The following RNF11 variants were observed in gnomAD, a reference collection of about 807,000 sequenced individuals.
RNF11 encodes ring finger protein 11.
RNF11 carries 4 observed loss-of-function variants against 15.8 expected under a neutral mutation model. The ratio of observed to expected loss-of-function variants is 0.25; its 90% CI spans 0.12 to 0.58. The LOEUF (loss-of-function observed/expected upper bound fraction) is 0.58, where lower values mean the gene tolerates loss of function less well. RNF11 is among the 20% of genes least tolerant of loss of function. RNF11 has a pLI of 0.91. For synonymous variants in RNF11, 68 were observed against 72.3 expected (o/e 0.94, Z 0.30); for missense variants, 139 against 194.4 (o/e 0.71, Z 1.70).
chr1:51,238,414 C>T (rs1055302526), intron 1 of RNF11, among the ~76,000 whole-genome samples: 1 of 152,138 alleles, frequency 6.6e-6, no homozygotes, highest in Non-Finnish European at 1.5e-5. Flanking sequence ...TTGTATCCCT[C>T]GCATCTGCCT....
intron 1 of RNF11, among the ~76,000 whole-genome samples, chr1:51,247,726 C>T (rs905972748): frequency 6.6e-5 from 10 of 152,080 alleles, no homozygotes; most frequent in African/African-American, 1.9e-4. Context: ...ACAATGAATG[C>T]GTGTGTCCCT....
chr1:51,244,198 CACTTAT>C (rs1646842156), intron 1 of RNF11, among the ~76,000 whole-genome samples: 1 of 152,208 alleles, frequency 6.6e-6, no homozygotes, highest in South Asian at 2.1e-4. Context: ...ACAAAGCACG[CACTTAT>C]ACTTTAGTGA....
At position 51,271,775 on chromosome 1, in the gene RNF11, C is replaced by T. The variant is rs1646979858; in HGVS notation, c.*453C>T. The T allele has an allele frequency of 6.5e-6, 1 of 154,216 alleles. No individual in the cohort carries two copies. Among genetic ancestry groups the T allele is most frequent in the African/African-American group, 2.4e-5 (1 of 41,452 alleles). 9.6% of individuals were successfully genotyped at this position (154,216 alleles called of 1,614,324 possible). The stretch of plus-strand genomic sequence containing the variant: ...TTTTATTAAAAGCTACATTTTATAA[C>T]ACTGGCACACACAAAAAAGTAGTTT... On this transcript the variant is annotated 3_prime_UTR_variant, in exon 3 of 3. Transcript: ENST00000242719.
chr1:51,251,533 A>G, intron 1 of RNF11: 1 of 570,970 alleles, frequency 1.8e-6, no homozygotes, highest in Non-Finnish European at 3.1e-6. Flanking sequence ...GGTGATTCTC[A>G]TTTTTTGAAA....
chr1:51,268,691 T>A (rs1207849080), intron 1 of RNF11, among the ~76,000 whole-genome samples: 11 of 152,258 alleles, frequency 7.2e-5, no homozygotes, highest in Non-Finnish European at 1.0e-4. Flanking sequence ...TGCGTGTGGA[T>A]GACAGCTCAT....
At chr1:51,251,373 C>A in intron 1 of RNF11, 1 of 1,473,456 alleles carries the variant, frequency 6.8e-7, no homozygotes, top group African/African-American at 1.4e-5. Context: ...GCTGCGACCC[C>A]GGCCCCGGAT....
rs745794967 is a variant in RNF11, at chr1:51,271,219, A to T, written c.362A>T (p.Tyr121Phe). 6.2e-7 allele frequency: 1 copy of T among 1,614,046 alleles called. No individual in the cohort carries two copies. Among genetic ancestry groups the T allele is most frequent in the Non-Finnish European group, 8.5e-7 (1 of 1,179,928 alleles). Residue 121 changes from tyrosine (Y) to phenylalanine (F), a missense_variant, in exon 3 of 3, where the codon TAT (tyrosine) becomes TTT (phenylalanine). Coordinates refer to ENST00000242719, the MANE Select transcript of RNF11 (RefSeq NM_014372.5). Reference protein sequence around the residue: ...PIRFLPCMHIYHLDCIDDWLM... With the variant: ...PIRFLPCMHIFHLDCIDDWLM... ...CGATTTCTGCCGTGCATGCACATCT[A>T]TCACCTGGACTGTATAGATGACTGG... is the stretch of plus-strand genomic sequence containing the variant.
At chr1:51,237,969 T>C (rs1305485644) in intron 1 of RNF11, among the ~76,000 whole-genome samples, 2 of 150,832 alleles carry the variant, frequency 1.3e-5, no homozygotes, top group Non-Finnish European at 2.9e-5. Context: ...CCTGATCATA[T>C]ATATGCTCGT....
At chr1:51,252,251 T>C (rs1363717764) in intron 1 of RNF11, among the ~76,000 whole-genome samples, 1 of 152,188 alleles carries the variant, frequency 6.6e-6, no homozygotes, top group African/African-American at 2.4e-5. Flanking sequence ...AAGTTTGTGT[T>C]ATCCATAAGG....
intron 1 of RNF11, among the ~76,000 whole-genome samples, chr1:51,262,660 C>T (rs574369863): frequency 3.3e-5 from 5 of 150,680 alleles, no homozygotes; most frequent in East Asian, 2.0e-4. Context: ...AGTTCTTGTG[C>T]GTCAGCCTCC....
intron 1 of RNF11, among the ~76,000 whole-genome samples, chr1:51,261,005 G>T (rs1646928264): frequency 6.6e-6 from 1 of 152,124 alleles, no homozygotes; most frequent in African/African-American, 2.4e-5. Context: ...TCGAAAGAAA[G>T]AACCTTTAAT....
At chr1:51,264,083 G>A (rs2148073346) in intron 1 of RNF11, among the ~76,000 whole-genome samples, 1 of 151,306 alleles carries the variant, frequency 6.6e-6, no homozygotes, top group South Asian at 2.1e-4. Flanking sequence ...GTGAAAACCT[G>A]TCTCTACAAA....
At chr1:51,243,958 C>T (rs1239814912) in intron 1 of RNF11, among the ~76,000 whole-genome samples, 1 of 152,222 alleles carries the variant, frequency 6.6e-6, no homozygotes, top group Non-Finnish European at 1.5e-5. Context: ...GAATGTTCTT[C>T]CTTAATCCTT....
intron 1 of RNF11, among the ~76,000 whole-genome samples, chr1:51,241,619 A>G (rs1021355216): frequency 2.0e-5 from 3 of 152,226 alleles, no homozygotes; most frequent in East Asian, 3.8e-4. Flanking sequence ...TTGAATCCCT[A>G]TTCTTGAAGT....
chr1:51,251,056 T>A, intron 1 of RNF11: 1 of 1,539,462 alleles, frequency 6.5e-7, no homozygotes, highest in Non-Finnish European at 8.8e-7. Flanking sequence ...TTGGAGCACT[T>A]AACACCCAGA....
chr1:51,239,056 T>C (rs939824959), intron 1 of RNF11, among the ~76,000 whole-genome samples: 3 of 152,086 alleles, frequency 2.0e-5, no homozygotes, highest in South Asian at 4.2e-4. Context: ...AAATCTCTTA[T>C]GCTCCCTACC....
chr1:51,249,558 T>C (rs1267356946), intron 1 of RNF11, among the ~76,000 whole-genome samples: 1 of 152,216 alleles, frequency 6.6e-6, no homozygotes, highest in Non-Finnish European at 1.5e-5. Flanking sequence ...CACCCATATT[T>C]GTTTTGTGTG....
At chr1:51,243,047 T>C (rs904472010) in intron 1 of RNF11, among the ~76,000 whole-genome samples, 1 of 152,214 alleles carries the variant, frequency 6.6e-6, no homozygotes, top group Non-Finnish European at 1.5e-5. Flanking sequence ...TGACCATTTT[T>C]TTCCTGTCTC....
At chr1:51,267,586 T>A (rs1646960757) in intron 1 of RNF11, among the ~76,000 whole-genome samples, 1 of 152,246 alleles carries the variant, frequency 6.6e-6, no homozygotes, top group Admixed American at 6.5e-5. Context: ...AGAAGCTCAT[T>A]TGGAGACTCA....
Sources: allele counts gnomAD v4.1 joint callset (sites outside exome capture counted in the v4.1 genomes callset), GRCh38; gene constraint gnomAD v4.1.1; transcripts MANE v1.5; gene names NCBI Gene and HGNC (gene_info 2026-07-23, HGNC 2026-07-21).